Variants in PHLDB2 observed in about 807,000 individuals in gnomAD.
PHLDB2 encodes pleckstrin homology-like domain family B member 2.
Under a neutral mutation model 123.6 loss-of-function variants are expected in PHLDB2, and 71 were observed. The ratio of observed to expected loss-of-function variants is 0.57; its 90% CI spans 0.47 to 0.70. PHLDB2 has a LOEUF of 0.70. PHLDB2 is among the 30% of genes least tolerant of loss of function. The pLI is 0.00. For missense variants in PHLDB2, 1,446 were observed against 1,519.5 expected (o/e 0.95, Z 0.80); for synonymous variants, 547 against 541.6 (o/e 1.01, Z -0.14).
chr3:111,876,761 C>T (rs982180472), intron 1 of PHLDB2, among the ~76,000 whole-genome samples: 2 of 152,132 alleles, frequency 1.3e-5, no homozygotes, highest in Non-Finnish European at 2.9e-5. Context: ...TGATATTCCC[C>T]TCCCTGTGTC....
At chr3:111,954,272 C>A (rs939306057) in intron 12 of PHLDB2, among the ~76,000 whole-genome samples, 5 of 152,124 alleles carry the variant, frequency 3.3e-5, no homozygotes, top group Non-Finnish European at 7.4e-5. Context: ...ACCAGAAAGA[C>A]CCCTAGAGAA....
At position 111,966,527 on chromosome 3, in the gene PHLDB2, G is replaced by GGGTGTGT. The variant is rs869085197; in HGVS notation, c.3078-85_3078-84insGTGTGTG. 9.7e-6 allele frequency: 6 copies of GGGTGTGT among 618,488 alleles called. No individual in the cohort carries two copies. The African/African-American group carries it at 1.2e-4, about 12-fold the overall frequency. The allele number at this position is 618,488 out of a possible 1,614,324, so 38.3% of individuals were successfully genotyped here. A position where few individuals can be genotyped will look rare whatever the true frequency, so the allele number is the denominator to read the frequency against. ...TGTGTGTGTGTGTGTGTGTGTCTGG[G>GGGTGTGT]GTGTGTGTGTGTGTGTGTGTGTATG... is the stretch of plus-strand genomic sequence containing the variant. On this transcript the variant is annotated intron_variant, in intron 13 of 17. Transcript: ENST00000431670.
At chr3:111,836,795 C>T (rs1400058637) in intron 1 of PHLDB2, among the ~76,000 whole-genome samples, 1 of 152,034 alleles carries the variant, frequency 6.6e-6, no homozygotes, top group African/African-American at 2.4e-5. Flanking sequence ...ACCATCAGAC[C>T]TCATGAAAAC....
chr3:111,880,294 C>T (rs1319415233), intron 1 of PHLDB2, among the ~76,000 whole-genome samples: 1 of 152,034 alleles, frequency 6.6e-6, no homozygotes, highest in Non-Finnish European at 1.5e-5. Context: ...GATCTAAAGG[C>T]AGAATTAGAG....
At chr3:111,911,873 A>G (rs1359904811) in intron 2 of PHLDB2, 2 of 704,148 alleles carry the variant, frequency 2.8e-6, no homozygotes, top group East Asian at 5.4e-5. Flanking sequence ...TATTTAATGG[A>G]ACCTAAGGAG....
chr3:111,764,038 T>C (rs145213237), intron 1 of PHLDB2, among the ~76,000 whole-genome samples: 30 of 152,142 alleles, frequency 2.0e-4, no homozygotes, highest in Non-Finnish European at 4.3e-4. Context: ...CTGGTAATGG[T>C]ATAACTCTGG....
intron 1 of PHLDB2, among the ~76,000 whole-genome samples, chr3:111,768,817 C>T (rs1179042970): frequency 6.6e-6 from 1 of 152,162 alleles, no homozygotes; most frequent in Non-Finnish European, 1.5e-5. Context: ...CTAGCTGGAC[C>T]TACATTCAGA....
At chr3:111,765,679 C>T in intron 1 of PHLDB2, among the ~76,000 whole-genome samples, 1 of 152,188 alleles carries the variant, frequency 6.6e-6, no homozygotes, top group East Asian at 1.9e-4. Context: ...ATAAACTTCT[C>T]TGCTGGGTTA....
chr3:111,888,441 G>A (rs930125151), intron 2 of PHLDB2, among the ~76,000 whole-genome samples: 1 of 152,090 alleles, frequency 6.6e-6, no homozygotes, highest in South Asian at 2.1e-4. Flanking sequence ...ATAAAGAATT[G>A]TGTATACCTG....
chr3:111,756,121 G>A (rs2059884251), intron 1 of PHLDB2, among the ~76,000 whole-genome samples: 1 of 152,108 alleles, frequency 6.6e-6, no homozygotes, highest in African/African-American at 2.4e-5. Flanking sequence ...TGAAAAAAAT[G>A]TATATTCTGT....
chr3:111,748,873 T>G (rs1169110899), intron 1 of PHLDB2, among the ~76,000 whole-genome samples: 1 of 152,102 alleles, frequency 6.6e-6, no homozygotes, highest in African/African-American at 2.4e-5. Context: ...GGGATACTTA[T>G]GCTACATTAG....
intron 1 of PHLDB2, among the ~76,000 whole-genome samples, chr3:111,762,644 C>T (rs1186321554): frequency 6.6e-6 from 1 of 152,144 alleles, no homozygotes; most frequent in East Asian, 1.9e-4. Flanking sequence ...TTCTTCAAGC[C>T]CTCCTGGAGT....
At chr3:111,953,348 A>C (rs770314850) in intron 11 of PHLDB2, among the ~76,000 whole-genome samples, 2 of 152,130 alleles carry the variant, frequency 1.3e-5, no homozygotes, top group South Asian at 4.1e-4. Flanking sequence ...GGAGGTTCTG[A>C]ATGAGACAGA....
intron 10 of PHLDB2, among the ~76,000 whole-genome samples, chr3:111,950,336 C>G (rs1258458070): frequency 6.6e-6 from 1 of 152,150 alleles, no homozygotes; most frequent in East Asian, 1.9e-4. Flanking sequence ...CTCCCTTAAT[C>G]AGAGTACCTT....
intron 1 of PHLDB2, among the ~76,000 whole-genome samples, chr3:111,776,942 C>G (rs1160476675): frequency 1.3e-5 from 2 of 151,944 alleles, no homozygotes; most frequent in Non-Finnish European, 2.9e-5. Flanking sequence ...AGCTTACAGT[C>G]AAGCCAAGAA....
chr3:111,794,197 G>A (rs2061048512), intron 1 of PHLDB2, among the ~76,000 whole-genome samples: 1 of 152,052 alleles, frequency 6.6e-6, no homozygotes. Flanking sequence ...ATTCCCCTCT[G>A]ACTAGGGCTG....
chr3:111,779,490 A>G (rs1210493067), intron 1 of PHLDB2, among the ~76,000 whole-genome samples: 1 of 152,002 alleles, frequency 6.6e-6, no homozygotes, highest in Non-Finnish European at 1.5e-5. Context: ...GTGGGAACAT[A>G]ACTGTATTTA....
intron 1 of PHLDB2, among the ~76,000 whole-genome samples, chr3:111,781,203 T>C (rs991823372): frequency 9.9e-5 from 15 of 152,044 alleles, no homozygotes; most frequent in Non-Finnish European, 1.8e-4. Context: ...AAACATAACT[T>C]CTTTACTTAT....
chr3:111,973,736 G>A lies in PHLDB2; in HGVS notation c.3540G>A (p.Lys1180=), dbSNP rs771991740. ...AACACTTATCTGTCTTTGCAGACAAGCATGAAACTAAATTGAAAGGAGTAA... is the reference window on the plus strand; with the variant it reads ...AACACTTATCTGTCTTTGCAGACAAACATGAAACTAAATTGAAAGGAGTAA... ...NKRTFSYYAD[K]HETKLKGVIY... Residue 1180 remains lysine, a synonymous_variant, in exon 17 of 18, where the codon AAG becomes AAA. Transcript: ENST00000431670. 3.8e-6 allele frequency: 6 copies of A among 1,591,788 alleles called. No homozygotes were observed. The Admixed American group carries it at 6.7e-5, about 18-fold the overall frequency.
Sources: gnomAD v4.1 joint callset for allele counts (sites outside exome capture counted in the v4.1 genomes callset) on GRCh38, gnomAD v4.1.1 for gene constraint, MANE v1.5 for transcripts, NCBI Gene and HGNC (gene_info 2026-07-23, HGNC 2026-07-21) for gene names.